DENND2C: variants seen among roughly 807,000 people sequenced by gnomAD.
DENND2C encodes the protein DENN domain containing 2C.
Under a neutral mutation model 112.4 loss-of-function variants are expected in DENND2C, and 72 were observed. The observed-to-expected ratio is 0.64, with a 90% CI of 0.53 to 0.78. The LOEUF (loss-of-function observed/expected upper bound fraction) is 0.78, where lower values mean the gene tolerates loss of function less well. DENND2C is among the 30% of genes least tolerant of loss of function. The pLI is 0.00. For missense variants in DENND2C, 992 were observed against 1,113.8 expected, an observed-to-expected ratio of 0.89 and a Z score of 1.56; for synonymous variants, 329 against 381.6, an observed-to-expected ratio of 0.86 and a Z score of 1.61.
At chr1:114,644,709 C>G (rs547968048) in intron 3 of DENND2C, among the ~76,000 whole-genome samples, 1 of 152,102 alleles carries the variant, frequency 6.6e-6, no homozygotes, top group Non-Finnish European at 1.5e-5. Context: ...TCTTCATTTT[C>G]TAGATGAGGA....
chr1:114,607,825 T>C lies in DENND2C; in HGVS notation c.1557+861A>G, dbSNP rs551116867. ...TGCCAGGGATGGCATTAGCACTATATACATTACCTCACTAAATCCTTACTG... is the reference window on the plus strand; with the variant it reads ...TGCCAGGGATGGCATTAGCACTATACACATTACCTCACTAAATCCTTACTG... On this transcript the variant is annotated intron_variant, in intron 10 of 20. Transcript: ENST00000393274. Among the ~76,000 whole-genome samples the C allele has an allele frequency of 4.6e-5, 7 of 152,320 alleles. No individual in the cohort carries two copies. In the East Asian group the frequency reaches 7.7e-4, roughly 17 times the overall value.
intron 1 of DENND2C, among the ~76,000 whole-genome samples, chr1:114,668,552 CA>C (rs1263596310): frequency 7.3e-5 from 11 of 151,674 alleles, no homozygotes; most frequent in East Asian, 5.8e-4. Context: ...CACACACACA[CA>C]CCCCAACTAA....
At chr1:114,594,630 T>G (rs1357337455) in intron 17 of DENND2C, 52 bp from the exon 18 acceptor site, 1 of 1,462,894 alleles carries the variant, frequency 6.8e-7, no homozygotes. Flanking sequence ...TTTGAGGGAT[T>G]AAGTCTCAAA....
chr1:114,635,371 T>A (rs1054799006), intron 3 of DENND2C, among the ~76,000 whole-genome samples: 3 of 145,528 alleles, frequency 2.1e-5, no homozygotes, highest in Non-Finnish European at 4.7e-5. Context: ...AGGATAAAAA[T>A]CAATGAAACA....
At chr1:114,659,785 C>T (rs114797406) in intron 1 of DENND2C, among the ~76,000 whole-genome samples, 31 of 11,378 alleles carry the variant, frequency 2.7e-3, no homozygotes, top group African/African-American at 0.011. Flanking sequence ...CCTTCCTTCC[C>T]TCCCTCCCTC....
intron 2 of DENND2C, among the ~76,000 whole-genome samples, chr1:114,650,323 TA>T (rs59883727): frequency 0.056 from 7,890 of 139,898 alleles, 211 homozygotes; most frequent in South Asian, 0.091. Context: ...AATTCTGTCT[TA>T]AAAAAAAAAA....
At chr1:114,613,097 T>A (rs1655868239) in intron 8 of DENND2C, among the ~76,000 whole-genome samples, 1 of 152,226 alleles carries the variant, frequency 6.6e-6, no homozygotes, top group Non-Finnish European at 1.5e-5. Context: ...CACACACACT[T>A]TTAAATATCC....
At chr1:114,610,320 T>C (rs1655777612) in intron 9 of DENND2C, among the ~76,000 whole-genome samples, 1 of 152,230 alleles carries the variant, frequency 6.6e-6, no homozygotes, top group Non-Finnish European at 1.5e-5. Flanking sequence ...GGAATATAAA[T>C]GCCTATAAAT....
intron 8 of DENND2C, among the ~76,000 whole-genome samples, chr1:114,617,450 A>G (rs2101660292): frequency 6.6e-6 from 1 of 152,200 alleles, no homozygotes; most frequent in African/African-American, 2.4e-5. Flanking sequence ...AGCTGGGATT[A>G]TGGGCACACG....
At chr1:114,596,912 G>T (rs1219235320) in intron 16 of DENND2C, among the ~76,000 whole-genome samples, 1 of 151,932 alleles carries the variant, frequency 6.6e-6, no homozygotes, top group Non-Finnish European at 1.5e-5. Context: ...GTTCCAGGAG[G>T]ATTCATAATC....
At chr1:114,614,387 T>C (rs1655900632) in intron 8 of DENND2C, among the ~76,000 whole-genome samples, 1 of 152,136 alleles carries the variant, frequency 6.6e-6, no homozygotes, top group Non-Finnish European at 1.5e-5. Context: ...ATCTGAGAAC[T>C]GTGATGACAA....
intron 1 of DENND2C, among the ~76,000 whole-genome samples, chr1:114,668,760 G>GA (rs1316901938): frequency 6.6e-6 from 1 of 152,052 alleles, no homozygotes; most frequent in Non-Finnish European, 1.5e-5. Flanking sequence ...AAGGCTGTAT[G>GA]AAAAAATATG....
chr1:114,661,036 G>C (rs558128870), intron 1 of DENND2C, among the ~76,000 whole-genome samples: 1 of 150,750 alleles, frequency 6.6e-6, no homozygotes, highest in South Asian at 2.1e-4. Flanking sequence ...GCTTGAACCC[G>C]GGAGGCGGAG....
At chr1:114,623,420 G>T in intron 5 of DENND2C, 87 bp downstream of exon 5, 1 of 1,327,206 alleles carries the variant, frequency 7.5e-7, no homozygotes, top group Non-Finnish European at 1.0e-6. Context: ...ATATATGCTT[G>T]ATTATAGAAG....
At chr1:114,666,694 C>T (rs1477380169) in intron 1 of DENND2C, among the ~76,000 whole-genome samples, 1 of 152,184 alleles carries the variant, frequency 6.6e-6, no homozygotes, top group Non-Finnish European at 1.5e-5. Context: ...ACCTCTTGAT[C>T]CACCTGCCTT....
intron 3 of DENND2C, among the ~76,000 whole-genome samples, chr1:114,639,347 G>A (rs1656752263): frequency 6.6e-6 from 1 of 152,054 alleles, no homozygotes; most frequent in African/African-American, 2.4e-5. Context: ...TCGGGAGGCT[G>A]AGGCCGGTAG....
chr1:114,593,316 T>C (rs909008504), intron 18 of DENND2C, among the ~76,000 whole-genome samples: 4 of 152,356 alleles, frequency 2.6e-5, no homozygotes, highest in Admixed American at 2.6e-4. Flanking sequence ...ACTCACTCTA[T>C]ACGATCATCT....
intron 8 of DENND2C, among the ~76,000 whole-genome samples, chr1:114,613,919 T>G (rs563897501): frequency 6.6e-6 from 1 of 152,126 alleles, no homozygotes; most frequent in South Asian, 2.1e-4. Context: ...CATTTTGTAA[T>G]ACCTGAAAAC....
chr1:114,600,083 G>A (rs201167447), intron 15 of DENND2C, 121 bp downstream of exon 15: 38 of 1,106,886 alleles, frequency 3.4e-5, no homozygotes, highest in Middle Eastern at 2.5e-4. Context: ...GAACCTGCAC[G>A]TTGTGCACAT....
Sources: gnomAD v4.1 joint callset for allele counts (sites outside exome capture counted in the v4.1 genomes callset) on GRCh38, gnomAD v4.1.1 for gene constraint, MANE v1.5 for transcripts, NCBI Gene and HGNC (gene_info 2026-07-23, HGNC 2026-07-21) for gene names.